Variants in RMST observed in about 807,000 individuals in gnomAD.
The protein encoded by RMST is rhabdomyosarcoma 2 associated transcript, also known as long intergenic non-protein coding RNA 54.
At chr12:97,467,510 T>C (rs1451603959) in intron 5 of RMST, among the ~76,000 whole-genome samples, 1 of 152,040 alleles carries the variant, frequency 6.6e-6, no homozygotes, top group Non-Finnish European at 1.5e-5. Flanking sequence ...GAATATAATA[T>C]TGCTGAATTA....
At chr12:97,557,391 A>G (rs1178806576) in intron 11 of RMST, among the ~76,000 whole-genome samples, 1 of 152,114 alleles carries the variant, frequency 6.6e-6, no homozygotes, top group Non-Finnish European at 1.5e-5. Flanking sequence ...TGAGGTGTGC[A>G]TACTCACTTA....
At chr12:97,471,049 G>A (rs1185369400) in intron 5 of RMST, among the ~76,000 whole-genome samples, 2 of 151,944 alleles carry the variant, frequency 1.3e-5, no homozygotes, top group African/African-American at 2.4e-5. Flanking sequence ...AGAGAGATAC[G>A]TGTCTGCATT....
chr12:97,488,439 T>C (rs966573524), intron 5 of RMST, among the ~76,000 whole-genome samples: 5 of 152,186 alleles, frequency 3.3e-5, no homozygotes, highest in Admixed American at 1.3e-4. Context: ...ATTCAAAACT[T>C]TAATTCTTGA....
intron 5 of RMST, among the ~76,000 whole-genome samples, chr12:97,466,197 C>G (rs1873163363): frequency 6.6e-6 from 1 of 152,104 alleles, no homozygotes; most frequent in South Asian, 2.1e-4. Flanking sequence ...GTTTAGCTTT[C>G]TTTAGTAGAG....
intron 10 of RMST, among the ~76,000 whole-genome samples, chr12:97,521,413 A>C (rs1248526869): frequency 6.6e-6 from 1 of 152,138 alleles, no homozygotes; most frequent in Admixed American, 6.5e-5. Flanking sequence ...TTTATTAAAC[A>C]TTTACTTTAT....
intron 10 of RMST, among the ~76,000 whole-genome samples, chr12:97,513,151 G>A (rs990067913): frequency 2.0e-5 from 3 of 152,296 alleles, no homozygotes; most frequent in Admixed American, 6.5e-5. Flanking sequence ...TGAGGGGGCC[G>A]GCTCTGGCCT....
At chr12:97,500,323 T>C (rs902934153) in intron 10 of RMST, among the ~76,000 whole-genome samples, 1 of 152,186 alleles carries the variant, frequency 6.6e-6, no homozygotes, top group African/African-American at 2.4e-5. Flanking sequence ...CATGGTCATA[T>C]ACTGACTGAA....
intron 10 of RMST, among the ~76,000 whole-genome samples, chr12:97,512,206 T>TC (rs1442172232): frequency 6.6e-6 from 1 of 152,114 alleles, no homozygotes; most frequent in Admixed American, 6.5e-5. Flanking sequence ...AGGTGGCGCG[T>TC]CTGGCGTTCC....
At chr12:97,510,524 TAC>T (rs1879164890) in intron 10 of RMST, among the ~76,000 whole-genome samples, 1 of 152,228 alleles carries the variant, frequency 6.6e-6, no homozygotes, top group Non-Finnish European at 1.5e-5. Context: ...AAAAAATTGG[TAC>T]AGTGTGTGTT....
intron 10 of RMST, among the ~76,000 whole-genome samples, chr12:97,512,370 G>A (rs926191605): frequency 7.9e-5 from 12 of 152,132 alleles, no homozygotes; most frequent in South Asian, 4.1e-4. Flanking sequence ...CGTGTAAGGG[G>A]ACCCGAGCCG....
intron 11 of RMST, among the ~76,000 whole-genome samples, chr12:97,534,605 T>A (rs1181521185): frequency 1.3e-5 from 2 of 151,728 alleles, no homozygotes; most frequent in Non-Finnish European, 3.0e-5. Context: ...CAAAGGAAAA[T>A]AAGATTATAC....
At chr12:97,531,098 G>C (rs1406512455) in intron 11 of RMST, among the ~76,000 whole-genome samples, 2 of 149,544 alleles carry the variant, frequency 1.3e-5, no homozygotes, top group Non-Finnish European at 3.0e-5. Context: ...TATTTTCTCT[G>C]TTGAGTCTAA....
At chr12:97,498,344 C>T (rs982478188) in intron 10 of RMST, among the ~76,000 whole-genome samples, 4 of 152,166 alleles carry the variant, frequency 2.6e-5, no homozygotes, top group South Asian at 2.1e-4. Flanking sequence ...TGGACTGGTT[C>T]GCATTTCTGC....
chr12:97,492,847 T>C (rs1262747156), intron 6 of RMST: 1 of 152,172 alleles, frequency 6.6e-6, no homozygotes, highest in East Asian at 1.9e-4. Flanking sequence ...ATATTTTTAT[T>C]TTCAAAAAGA....
chr12:97,554,589 T>C (rs1220166610), intron 11 of RMST, among the ~76,000 whole-genome samples: 1 of 152,116 alleles, frequency 6.6e-6, no homozygotes, highest in African/African-American at 2.4e-5. Context: ...ATTCACAAAA[T>C]GTTATTACTC....
chr12:97,528,960 T>TATTTCTG (rs1310801358), intron 10 of RMST, among the ~76,000 whole-genome samples: 1 of 152,218 alleles, frequency 6.6e-6, no homozygotes, highest in East Asian at 1.9e-4. Flanking sequence ...CTTGTCCTGT[T>TATTTCTG]ATTTCTGATT....
chr12:97,497,591 G>A (rs947673205), intron 10 of RMST, among the ~76,000 whole-genome samples: 5 of 151,832 alleles, frequency 3.3e-5, no homozygotes, highest in African/African-American at 7.3e-5. Flanking sequence ...GAGGCCTTAC[G>A]TTTGTTTAGT....
chr12:97,556,928 A>G (rs1007914280), intron 11 of RMST, among the ~76,000 whole-genome samples: 1 of 152,088 alleles, frequency 6.6e-6, no homozygotes, highest in Non-Finnish European at 1.5e-5. Context: ...TATTTACAAC[A>G]CTGTATTTTT....
chr12:97,512,455 G>A (rs1249564904), intron 10 of RMST, among the ~76,000 whole-genome samples: 1 of 152,198 alleles, frequency 6.6e-6, no homozygotes, highest in Non-Finnish European at 1.5e-5. Flanking sequence ...GATTGGTAGA[G>A]CCAAGTGGTC....
Sources: gnomAD v4.1 joint callset for allele counts (sites outside exome capture counted in the v4.1 genomes callset) on GRCh38, gnomAD v4.1.1 for gene constraint, MANE v1.5 for transcripts, NCBI Gene and HGNC (gene_info 2026-07-23, HGNC 2026-07-21) for gene names.